The following TMEM135 variants were observed in gnomAD, a reference collection of about 807,000 sequenced individuals.
TMEM135 encodes the protein transmembrane protein 135.
In TMEM135, 30 loss-of-function variants were observed where a neutral mutation model predicts 60.3. The observed-to-expected ratio is 0.50, with a 90% CI of 0.37 to 0.68. The LOEUF (loss-of-function observed/expected upper bound fraction) is 0.68, where lower values mean the gene tolerates loss of function less well. TMEM135 is among the 30% of genes least tolerant of loss of function. TMEM135 has a pLI of 0.00. For missense variants in TMEM135, 468 were observed against 548.8 expected, an observed-to-expected ratio of 0.85 and a Z score of 1.47; for synonymous variants, 190 against 186.7, an observed-to-expected ratio of 1.02 and a Z score of -0.14.
At chr11:87,075,396 T>G (rs535993842) in intron 3 of TMEM135, among the ~76,000 whole-genome samples, 1 of 152,220 alleles carries the variant, frequency 6.6e-6, no homozygotes, top group South Asian at 2.1e-4. Context: ...CCTCGTGATC[T>G]GCCCGCCTCA....
chr11:87,316,890 T>A (rs1377003437), intron 12 of TMEM135, among the ~76,000 whole-genome samples: 1 of 151,896 alleles, frequency 6.6e-6, no homozygotes, highest in Non-Finnish European at 1.5e-5. Flanking sequence ...TTTTTTTTTT[T>A]TTTAAATAGG....
At chr11:87,054,731 A>G (rs968446625) in intron 1 of TMEM135, among the ~76,000 whole-genome samples, 1 of 152,166 alleles carries the variant, frequency 6.6e-6, no homozygotes, top group African/African-American at 2.4e-5. Flanking sequence ...ATTGCCAGTG[A>G]TGAAGGAAGG....
Position 87,099,905 on chromosome 11 carries a change from A to T in TMEM135, c.396+8510A>T, listed in dbSNP as rs978309302. On this transcript the variant is annotated intron_variant, in intron 4 of 14. Transcript: ENST00000305494. Reference sequence around the variant, plus strand: ...ACCTTGTTGGTCAAGCTGGTCTCGAACTCCTGACCTTGTTATCTGCCCTCC... The same window carrying T: ...ACCTTGTTGGTCAAGCTGGTCTCGATCTCCTGACCTTGTTATCTGCCCTCC... Among the ~76,000 whole-genome samples the T allele has an allele frequency of 4.0e-5, 6 of 150,770 alleles. No homozygotes were observed. In the East Asian group the frequency reaches 1.2e-3, roughly 29 times the overall value.
intron 13 of TMEM135, among the ~76,000 whole-genome samples, chr11:87,318,614 A>G (rs1041580148): frequency 6.6e-6 from 1 of 152,062 alleles, no homozygotes; most frequent in Non-Finnish European, 1.5e-5. Context: ...CATTTCTCCA[A>G]TATTATTCAG....
At chr11:87,280,189 A>T (rs2135419478) in intron 6 of TMEM135, among the ~76,000 whole-genome samples, 1 of 152,372 alleles carries the variant, frequency 6.6e-6, no homozygotes, top group Middle Eastern at 3.4e-3. Flanking sequence ...GCTTTCAAAA[A>T]TTCAGCGTGT....
chr11:87,106,941 G>A (rs754289470), intron 4 of TMEM135, among the ~76,000 whole-genome samples: 5 of 152,136 alleles, frequency 3.3e-5, no homozygotes, highest in Non-Finnish European at 7.3e-5. Context: ...AGCATGTCAC[G>A]TGGTGAAAGC....
intron 5 of TMEM135, among the ~76,000 whole-genome samples, chr11:87,179,735 T>C (rs116125871): frequency 0.011 from 1,634 of 152,310 alleles, 33 homozygotes; most frequent in African/African-American, 0.038. Context: ...ACCATAAATA[T>C]CAGGATTTAT....
At chr11:87,198,707 C>CT (rs896630135) in intron 5 of TMEM135, among the ~76,000 whole-genome samples, 91 of 146,352 alleles carry the variant, frequency 6.2e-4, no homozygotes, top group Middle Eastern at 3.4e-3. Flanking sequence ...CCTCTCTTTT[C>CT]TTTTTTTTTT....
intron 7 of TMEM135, among the ~76,000 whole-genome samples, chr11:87,298,786 C>CAACAAAAAA (rs1942392203): frequency 6.9e-5 from 4 of 57,692 alleles, no homozygotes; most frequent in African/African-American, 3.0e-4. Context: ...GACTCTGTCT[C>CAACAAAAAA]AAAAAAAAAA....
intron 1 of TMEM135, among the ~76,000 whole-genome samples, chr11:87,049,892 C>T (rs1949826497): frequency 9.0e-6 from 1 of 110,692 alleles, no homozygotes; most frequent in Non-Finnish European, 1.8e-5. Flanking sequence ...CACACCTATT[C>T]CAAAATTGAC....
At chr11:87,139,239 T>C (rs1313946254) in intron 4 of TMEM135, among the ~76,000 whole-genome samples, 1 of 152,146 alleles carries the variant, frequency 6.6e-6, no homozygotes, top group Non-Finnish European at 1.5e-5. Flanking sequence ...ACCACTGAAT[T>C]GAGAGCTACT....
intron 4 of TMEM135, among the ~76,000 whole-genome samples, chr11:87,102,597 A>C (rs1161862302): frequency 1.3e-5 from 2 of 151,592 alleles, no homozygotes; most frequent in Non-Finnish European, 2.9e-5. Context: ...TAGAGAAATA[A>C]ATTTTTATTT....
At chr11:87,316,108 A>T (rs932497383) in intron 12 of TMEM135, among the ~76,000 whole-genome samples, 4 of 152,030 alleles carry the variant, frequency 2.6e-5, no homozygotes, top group Non-Finnish European at 5.9e-5. Context: ...CTCCCAGGCT[A>T]GTTACTGATT....
chr11:87,084,433 C>T (rs1857054453), intron 3 of TMEM135, among the ~76,000 whole-genome samples: 1 of 151,938 alleles, frequency 6.6e-6, no homozygotes, highest in African/African-American at 2.4e-5. Context: ...TCAGTCTCCC[C>T]AGTAGCTGGG....
At position 87,195,115 on chromosome 11, in the gene TMEM135, G is replaced by A. The variant is rs1303106474; in HGVS notation, c.462+37709G>A. Among the ~76,000 whole-genome samples the A allele has an allele frequency of 3.3e-5, 5 of 152,060 alleles. No homozygotes were observed. The East Asian group carries it at 9.7e-4, about 29-fold the overall frequency. The stretch of plus-strand genomic sequence containing the variant: ...GCTTATTAAAATCTGAATTATGTTT[G>A]TTTTACCAAGAAACATGAGTATTCT... On this transcript the variant is annotated intron_variant, in intron 5 of 14. Coordinates refer to ENST00000305494, the MANE Select transcript of TMEM135 (RefSeq NM_022918.4).
At position 87,191,305 on chromosome 11, in the gene TMEM135, A is replaced by G. The variant is rs371686298; in HGVS notation, c.462+33899A>G. Among the ~76,000 whole-genome samples, 6 of 151,656 alleles carry G rather than the reference A, an allele frequency of 4.0e-5. No homozygotes were observed. In the East Asian group the frequency reaches 1.2e-3, roughly 29 times the overall value. On this transcript the variant is annotated intron_variant, in intron 5 of 14. Transcript: ENST00000305494. ...ACCCAGGCTGGAGTGCAGTGGCACG[A>G]TCTCGGCTCACTGCAAGCTCCGCCT...
intron 6 of TMEM135, among the ~76,000 whole-genome samples, chr11:87,273,091 A>G (rs988808936): frequency 2.0e-5 from 3 of 152,094 alleles, no homozygotes; most frequent in Non-Finnish European, 4.4e-5. Context: ...CAGTGATTTT[A>G]TTTATTCCAT....
chr11:87,112,861 C>G (rs1016634200), intron 4 of TMEM135, among the ~76,000 whole-genome samples: 1 of 151,808 alleles, frequency 6.6e-6, no homozygotes, highest in African/African-American at 2.4e-5. Context: ...TACCTCTCAG[C>G]AGATTTTCAT....
chr11:87,177,732 C>T (rs576943030), intron 5 of TMEM135, among the ~76,000 whole-genome samples: 1 of 152,156 alleles, frequency 6.6e-6, no homozygotes, highest in South Asian at 2.1e-4. Context: ...ACACTAACTG[C>T]CCATCAATTA....
Sources: allele counts gnomAD v4.1 joint callset (sites outside exome capture counted in the v4.1 genomes callset), GRCh38; gene constraint gnomAD v4.1.1; transcripts MANE v1.5; gene names NCBI Gene and HGNC (gene_info 2026-07-23, HGNC 2026-07-21).